Variants in SEL1L3 observed in about 807,000 individuals in gnomAD.
The protein encoded by SEL1L3 is protein sel-1 homolog 3.
Under a neutral mutation model 142.8 loss-of-function variants are expected in SEL1L3, and 76 were observed. The observed-to-expected ratio is 0.53, with a 90% CI of 0.44 to 0.64. SEL1L3 has a LOEUF of 0.64. Ranked by LOEUF, SEL1L3 falls within the 30% of genes least tolerant of loss-of-function variation. SEL1L3 has a pLI of 0.00. For missense variants in SEL1L3, 1,262 were observed against 1,381.7 expected (o/e 0.91, Z 1.37); for synonymous variants, 504 against 519.6 (o/e 0.97, Z 0.41).
chr4:25,716,899 G>T, the SEL1L3 span, among the ~76,000 whole-genome samples: 1 of 152,194 alleles, frequency 6.6e-6, no homozygotes, highest in East Asian at 1.9e-4. Flanking sequence ...GGCCAAGGCA[G>T]ATGGATCTCT....
intron 11 of SEL1L3, 46 bp from the exon 12 acceptor site, chr4:25,790,620 A>G (rs753418187): frequency 3.2e-5 from 1 of 31,466 alleles, no homozygotes; most frequent in East Asian, 7.3e-4. Flanking sequence ...AGAAGGAAGG[A>G]AGGAAGGAAG....
chr4:25,719,675 C>T, the SEL1L3 span: 1 of 152,072 alleles, frequency 6.6e-6, no homozygotes, highest in South Asian at 2.1e-4. Flanking sequence ...CCAGTTGATT[C>T]AGATTACAGA....
At position 25,765,281 on chromosome 4, in the gene SEL1L3, A is replaced by C. The variant is rs767052772; in HGVS notation, c.2955+45T>G. The C allele has an allele frequency of 2.9e-5, 38 of 1,327,004 alleles. No homozygotes were observed. The South Asian group carries it at 3.0e-4, about 11-fold the overall frequency. The allele number at this position is 1,327,004 out of a possible 1,614,324, so 82.2% of individuals were successfully genotyped here. On this transcript the variant is annotated intron_variant, in intron 20 of 23. Coordinates refer to ENST00000399878, the MANE Select transcript of SEL1L3 (RefSeq NM_015187.5). ...AGGGCTGGGATTACAGGCATGAGCC[A>C]CCGTGCCCGGCCAAGAGCTGGTTTT...
intron 20 of SEL1L3, among the ~76,000 whole-genome samples, chr4:25,764,355 A>C (rs1434352303): frequency 6.6e-6 from 1 of 152,182 alleles, no homozygotes; most frequent in Non-Finnish European, 1.5e-5. Context: ...AATCTACATG[A>C]AGTCTGAAGT....
intron 23 of SEL1L3, among the ~76,000 whole-genome samples, chr4:25,749,227 T>A (rs4697610): frequency 6.6e-6 from 1 of 151,944 alleles, no homozygotes; most frequent in Non-Finnish European, 1.5e-5. Context: ...TTAGATGATC[T>A]TGAAACCCAC....
At chr4:25,823,610 A>G (rs1429566923) in intron 6 of SEL1L3, among the ~76,000 whole-genome samples, 3 of 152,190 alleles carry the variant, frequency 2.0e-5, no homozygotes, top group East Asian at 1.9e-4. Flanking sequence ...AGATCACAGC[A>G]TATGTGTGAT....
chr4:25,756,973 G>A, intron 23 of SEL1L3: 1 of 1,210,372 alleles, frequency 8.3e-7, no homozygotes, highest in Non-Finnish European at 1.1e-6. Context: ...TTTAAAGAAA[G>A]TCCTTATTTT....
the SEL1L3 span, among the ~76,000 whole-genome samples, chr4:25,739,472 C>T: frequency 2.0e-5 from 3 of 151,940 alleles, no homozygotes; most frequent in Non-Finnish European, 2.9e-5. Context: ...CTTGGGAGGC[C>T]GAGGAGGGTA....
At chr4:25,796,554 A>G (rs2109206725) in intron 11 of SEL1L3, among the ~76,000 whole-genome samples, 1 of 152,296 alleles carries the variant, frequency 6.6e-6, no homozygotes, top group East Asian at 1.9e-4. Context: ...GCACTTTGGG[A>G]GGCCAAGGTG....
At chr4:25,725,092 T>C in the SEL1L3 span, among the ~76,000 whole-genome samples, 2 of 152,022 alleles carry the variant, frequency 1.3e-5, no homozygotes, top group African/African-American at 4.8e-5. Context: ...TTCCGGTGCA[T>C]AGATGGGGAC....
At chr4:25,849,423 T>C (rs1342594103) in intron 1 of SEL1L3, among the ~76,000 whole-genome samples, 1 of 152,104 alleles carries the variant, frequency 6.6e-6, no homozygotes, top group Non-Finnish European at 1.5e-5. Context: ...GAAAACAAGC[T>C]AGACACAAGA....
intron 1 of SEL1L3, among the ~76,000 whole-genome samples, chr4:25,859,065 T>C (rs866071656): frequency 6.6e-6 from 1 of 152,244 alleles, no homozygotes; most frequent in Non-Finnish European, 1.5e-5. Context: ...CAAAATTGTT[T>C]TCTGGAAGTG....
chr4:25,717,145 A>G, the SEL1L3 span, among the ~76,000 whole-genome samples: 26 of 151,926 alleles, frequency 1.7e-4, no homozygotes, highest in Non-Finnish European at 3.5e-4. Flanking sequence ...AACAAAAACA[A>G]AAACAAAACT....
intron 2 of SEL1L3, among the ~76,000 whole-genome samples, chr4:25,845,722 A>C (rs1716462418): frequency 6.6e-6 from 1 of 151,074 alleles, no homozygotes; most frequent in African/African-American, 2.5e-5. Flanking sequence ...GGAAAAACTT[A>C]GAGTGCATGT....
At chr4:25,831,673 G>A (rs1275310205) in intron 5 of SEL1L3, among the ~76,000 whole-genome samples, 2 of 151,666 alleles carry the variant, frequency 1.3e-5, no homozygotes, top group Non-Finnish European at 2.9e-5. Flanking sequence ...TTATAGGCAC[G>A]TACACCACGC....
At chr4:25,811,397 C>T (rs1714012160) in intron 9 of SEL1L3, among the ~76,000 whole-genome samples, 2 of 152,162 alleles carry the variant, frequency 1.3e-5, no homozygotes, top group South Asian at 2.1e-4. Context: ...GCAGCCGCTC[C>T]TCAGAGGAAA....
At chr4:25,858,561 TG>T (rs1366907392) in intron 1 of SEL1L3, among the ~76,000 whole-genome samples, 11 of 151,832 alleles carry the variant, frequency 7.2e-5, no homozygotes, top group Non-Finnish European at 1.2e-4. Flanking sequence ...GTTTTGTTTT[TG>T]TTTTTTTTGA....
At chr4:25,823,885 C>T (rs1305413094) in intron 6 of SEL1L3, among the ~76,000 whole-genome samples, 1 of 152,172 alleles carries the variant, frequency 6.6e-6, no homozygotes, top group Non-Finnish European at 1.5e-5. Flanking sequence ...GATGGACTGT[C>T]TGTTAGCAAA....
At chr4:25,759,094 C>A in intron 20 of SEL1L3, 26 bp from the exon 21 acceptor site, 1 of 1,607,628 alleles carries the variant, frequency 6.2e-7, no homozygotes, top group Admixed American at 1.7e-5. Flanking sequence ...AAACCAAACT[C>A]ATCAAATCCT....
Sources: gnomAD v4.1 joint callset for allele counts (sites outside exome capture counted in the v4.1 genomes callset) on GRCh38, gnomAD v4.1.1 for gene constraint, MANE v1.5 for transcripts, NCBI Gene and HGNC (gene_info 2026-07-23, HGNC 2026-07-21) for gene names.